MPHOSPH9: variants seen among roughly 807,000 people sequenced by gnomAD.
MPHOSPH9 encodes M-phase phosphoprotein 9.
In MPHOSPH9, 88 loss-of-function variants were observed where a neutral mutation model predicts 145.5. The observed-to-expected ratio is 0.60, with a 90% CI of 0.51 to 0.72. The LOEUF is 0.72. MPHOSPH9 is among the 30% of genes least tolerant of loss of function. The pLI is 0.00. For synonymous variants in MPHOSPH9, 435 were observed against 486.2 expected, an observed-to-expected ratio of 0.89 and a Z score of 1.39; for missense variants, 1,238 against 1,386.6, an observed-to-expected ratio of 0.89 and a Z score of 1.70.
At chr12:123,228,965 C>A (rs1425986750) in intron 2 of MPHOSPH9, among the ~76,000 whole-genome samples, 1 of 152,158 alleles carries the variant, frequency 6.6e-6, no homozygotes, top group East Asian at 1.9e-4. Context: ...ATACAGATTA[C>A]TGTAGGACCA....
chr12:123,188,905 G>A (rs560175105), intron 13 of MPHOSPH9, among the ~76,000 whole-genome samples: 18 of 152,078 alleles, frequency 1.2e-4, no homozygotes, highest in Admixed American at 3.9e-4. Flanking sequence ...GTGTGGTGGC[G>A]TATGCCTATA....
At chr12:123,235,677 G>A (rs2047839266), upstream of MPHOSPH9, among the ~76,000 whole-genome samples, 1 of 151,830 alleles carries the variant, frequency 6.6e-6, no homozygotes, top group Middle Eastern at 3.4e-3. Flanking sequence ...CGGCCTGGTA[G>A]TGAGTTATCT....
At chr12:123,242,104 C>G (rs2047949167) in intron 1 of MPHOSPH9, among the ~76,000 whole-genome samples, 1 of 152,202 alleles carries the variant, frequency 6.6e-6, no homozygotes, top group Non-Finnish European at 1.5e-5. Context: ...AATATTCTTG[C>G]ACAAATTAAT....
At chr12:123,182,956 G>T (rs1253098211) in intron 13 of MPHOSPH9, among the ~76,000 whole-genome samples, 1 of 151,572 alleles carries the variant, frequency 6.6e-6, no homozygotes, top group Non-Finnish European at 1.5e-5. Context: ...GCTGACGCCT[G>T]TAATCCCAGC....
chr12:123,202,162 A>C lies in MPHOSPH9; in HGVS notation c.1937+2T>G, dbSNP rs1170141860. Reference sequence around the variant, plus strand: ...ACTTCACAGCTAAATTATAAATTTTACCTGTCTACAAGAATTTGATTGGTT... The same window carrying C: ...ACTTCACAGCTAAATTATAAATTTTCCCTGTCTACAAGAATTTGATTGGTT... On this transcript the variant is annotated splice_donor_variant, in intron 11 of 23. Coordinates refer to ENST00000606320, the MANE Select transcript of MPHOSPH9 (RefSeq NM_022782.4). LOFTEE classifies it high-confidence loss of function. 1.9e-6 allele frequency: 3 copies of C among 1,598,434 alleles called. No homozygotes were observed. Among genetic ancestry groups the C allele is most frequent in the African/African-American group, 1.4e-5 (1 of 74,020 alleles).
chr12:123,232,975 G>C (rs968477489), intron 1 of MPHOSPH9, 100 bp downstream of exon 1: 2 of 152,410 alleles, frequency 1.3e-5, no homozygotes, highest in African/African-American at 4.8e-5. Context: ...CCACACCCCA[G>C]CCCATCACCA....
In MPHOSPH9 at chr12:123,212,766, C is replaced by CTTTT. The variant is rs769159602; in HGVS notation, c.1087+1974_1087+1977dup. Among the ~76,000 whole-genome samples the CTTTT allele has an allele frequency of 6.3e-3, 591 of 93,880 alleles. 7 individuals are homozygous for CTTTT. The highest frequency in any genetic ancestry group is 0.018 in the East Asian group (41 of 2,322). The allele number at this position is 93,880 out of a possible 152,430, so 61.6% of individuals were successfully genotyped here. A position where few individuals can be genotyped will look rare whatever the true frequency, so the allele number is the denominator to read the frequency against. ...ACAATCCCCAGCCTACAATGGTCGA[C>CTTTT]TTTTTTTTTTTTTTTTTTTTACTTT... On this transcript the variant is annotated intron_variant, in intron 7 of 23. Transcript: ENST00000606320.
chr12:123,196,691 G>A (rs778253795), intron 12 of MPHOSPH9, among the ~76,000 whole-genome samples: 35 of 152,072 alleles, frequency 2.3e-4, no homozygotes, highest in Non-Finnish European at 5.0e-4. Flanking sequence ...AAAAACTTAC[G>A]TGGCACATAA....
upstream of MPHOSPH9, chr12:123,233,494 C>G (rs1042625352): frequency 6.6e-6 from 1 of 152,282 alleles, no homozygotes; most frequent in African/African-American, 2.4e-5. Context: ...TTGGATATCC[C>G]TAGAACGTTG....
At position 123,156,818 on chromosome 12, in the gene MPHOSPH9, C is replaced by T. The variant is rs1449502583; in HGVS notation, c.3541G>A (p.Ala1181Thr). 13 of 1,610,146 alleles carry T rather than the reference C, an allele frequency of 8.1e-6. No homozygotes were observed. Among genetic ancestry groups the T allele is most frequent in the Non-Finnish European group, 1.0e-5 (12 of 1,177,092 alleles). Residue 1181 changes from alanine (A) to threonine (T), a missense_variant, in exon 24 of 24, where the codon GCA (alanine) becomes ACA (threonine). This residue lies in a region of MPHOSPH9 where 393 missense variants were observed against 462.5 expected (regional missense o/e 0.85). Coordinates refer to ENST00000606320, the MANE Select transcript of MPHOSPH9 (RefSeq NM_022782.4). ...AATGGCTACAAATCTCAAAGATTTG[C>T]AGAGGTGCGCAAAACATGGAATTTC... ...LKKFHVLRTS[A>T]NL
At chr12:123,229,729 A>G (rs193050972) in intron 2 of MPHOSPH9, among the ~76,000 whole-genome samples, 146 of 152,348 alleles carry the variant, frequency 9.6e-4, no homozygotes, top group African/African-American at 3.4e-3. Context: ...TCTTTTTCAG[A>G]ATGCTTTCCA....
chr12:123,226,776 C>G (rs987722408), intron 3 of MPHOSPH9, among the ~76,000 whole-genome samples: 1 of 151,932 alleles, frequency 6.6e-6, no homozygotes, highest in African/African-American at 2.4e-5. Context: ...CTACAGACAC[C>G]GTGCCACCAT....
rs202155525 is a variant in MPHOSPH9, at chr12:123,161,225, G to A, written c.3292C>T (p.Gln1098Ter). ...EQCKPVSVTP[Q>*]GNDFEYTAKI... The stretch of plus-strand genomic sequence containing the variant: ...GCTGTATATTCAAAATCATTCCCCT[G>A]TGGAGTGACTGAAACCGGCTTACAC... Residue 1098 changes from glutamine (Q) to a stop codon, truncating the protein, a stop_gained, in exon 22 of 24, where the codon CAG becomes TAG. Coordinates refer to ENST00000606320, the MANE Select transcript of MPHOSPH9 (RefSeq NM_022782.4). LOFTEE classifies it high-confidence loss of function. 1.2e-6 allele frequency: 2 copies of A among 1,614,114 alleles called. No individual in the cohort carries two copies. Among genetic ancestry groups the A allele is most frequent in the Non-Finnish European group, 1.7e-6 (2 of 1,180,012 alleles).
chr12:123,223,609 G>A (rs985490069), intron 3 of MPHOSPH9, among the ~76,000 whole-genome samples: 3 of 152,080 alleles, frequency 2.0e-5, no homozygotes, highest in Non-Finnish European at 2.9e-5. Flanking sequence ...CCATCACCTC[G>A]CGAGCTCTTG....
chr12:123,226,469 C>A, intron 3 of MPHOSPH9: 1 of 260,892 alleles, frequency 3.8e-6, no homozygotes, highest in East Asian at 1.5e-4. Flanking sequence ...TCAAATCCAG[C>A]CTTAGGAAAG....
chr12:123,220,055 G>C (rs1237084475), intron 5 of MPHOSPH9, among the ~76,000 whole-genome samples: 1 of 151,996 alleles, frequency 6.6e-6, no homozygotes, highest in Middle Eastern at 3.4e-3. Context: ...TTAGCCGGAC[G>C]TGGCGGTACA....
rs202093426 is a variant in MPHOSPH9, at chr12:123,206,305, A to AC, written c.1195-2931_1195-2930insG. ...GCCTCTACTAAAAACAAACAAACAA[A>AC]AAAAAAATGAGCCAGGTGTGGTTGC... On this transcript the variant is annotated intron_variant, in intron 8 of 23. Coordinates refer to ENST00000606320, the MANE Select transcript of MPHOSPH9 (RefSeq NM_022782.4). Among the ~76,000 whole-genome samples, 679 of 150,926 alleles carry AC rather than the reference A, an allele frequency of 4.5e-3. 2 individuals are homozygous for AC. Among genetic ancestry groups the AC allele is most frequent in the East Asian group, 0.015 (78 of 5,084 alleles).
intron 8 of MPHOSPH9, among the ~76,000 whole-genome samples, chr12:123,205,965 C>T (rs1449751075): frequency 5.3e-5 from 8 of 152,100 alleles, no homozygotes; most frequent in Non-Finnish European, 7.3e-5. Flanking sequence ...TTTAAGAGAA[C>T]GGTGAATCAG....
Position 123,165,324 on chromosome 12 carries a change from T to C in MPHOSPH9, c.2745A>G (p.Thr915=). ...CACTATTTGAGGTGTCCTCTTTCTC[T>C]GTCTGTGTCCCCCAATTTTTAAATA... is the stretch of plus-strand genomic sequence containing the variant. The part of the protein sequence containing the change: ...GKIFKNWGTQ[T]EKEDTSNINP... Residue 915 remains threonine, a synonymous_variant, in exon 18 of 24, where the codon ACA becomes ACG. Transcript: ENST00000606320. The C allele has an allele frequency of 6.2e-7, 1 of 1,613,786 alleles. No homozygotes were observed. The highest frequency in any genetic ancestry group is 8.5e-7 in the Non-Finnish European group (1 of 1,179,814).
Sources: gnomAD v4.1 joint callset for allele counts (sites outside exome capture counted in the v4.1 genomes callset) on GRCh38, gnomAD v4.1.1 for gene constraint, gnomAD v4.1.1 regional missense constraint, MANE v1.5 for transcripts, NCBI Gene and HGNC (gene_info 2026-07-23, HGNC 2026-07-21) for gene names.